BAIAP2L1: variants seen among roughly 807,000 people sequenced by gnomAD.
BAIAP2L1 encodes BAR/IMD domain-containing adapter protein 2-like 1.
BAIAP2L1 carries 35 observed loss-of-function variants against 66.3 expected under a neutral mutation model. That is an observed-to-expected ratio of 0.53 (90% CI 0.40 to 0.70). The LOEUF (loss-of-function observed/expected upper bound fraction) is 0.70. BAIAP2L1 is among the 30% of genes least tolerant of loss of function. The pLI is 0.00. For missense variants in BAIAP2L1, 622 were observed against 656.9 expected (o/e 0.95, Z 0.58); for synonymous variants, 269 against 248.7 (o/e 1.08, Z -0.77).
chr7:98,351,095 G>T (rs934882410), intron 3 of BAIAP2L1, among the ~76,000 whole-genome samples: 2 of 152,036 alleles, frequency 1.3e-5, no homozygotes, highest in Non-Finnish European at 2.9e-5. Flanking sequence ...TCCTGACCTC[G>T]GGTGATCCGC....
intron 3 of BAIAP2L1, among the ~76,000 whole-genome samples, chr7:98,352,198 G>GT (rs1049133999): frequency 2.0e-4 from 31 of 152,090 alleles, no homozygotes; most frequent in African/African-American, 7.0e-4. Context: ...AGTCAAGGAA[G>GT]TAACTCCTCC....
In BAIAP2L1 at chr7:98,304,872, T is replaced by C. The variant is rs1800580368; in HGVS notation, c.1242-496A>G. Among the ~76,000 whole-genome samples the C allele has an allele frequency of 2.6e-5, 4 of 151,140 alleles. No individual in the cohort carries two copies. In the South Asian group the frequency reaches 8.4e-4, roughly 32 times the overall value. On this transcript the variant is annotated intron_variant, in intron 11 of 13. Transcript: ENST00000005260. The stretch of plus-strand genomic sequence containing the variant: ...AACATATCCTCACAAGAAATTTTTT[T>C]TTTTTTTTTTGAGATGGGGTTTCCC...
chr7:98,383,727 T>C (rs55825602), intron 1 of BAIAP2L1, among the ~76,000 whole-genome samples: 57,775 of 152,076 alleles, frequency 0.38, 12,471 homozygotes, highest in Middle Eastern at 0.54. Flanking sequence ...TACGTTTCAT[T>C]CCACCAACTC....
chr7:98,303,435 G>C (rs1387004296), intron 12 of BAIAP2L1, among the ~76,000 whole-genome samples: 2 of 152,168 alleles, frequency 1.3e-5, no homozygotes, highest in Middle Eastern at 3.2e-3. Context: ...AACCCAGCCC[G>C]GGAGTGATGT....
At chr7:98,395,504 G>A (rs1416690613) in intron 1 of BAIAP2L1, among the ~76,000 whole-genome samples, 2 of 151,790 alleles carry the variant, frequency 1.3e-5, no homozygotes, top group South Asian at 4.2e-4. Context: ...GAGGTGGCAC[G>A]AGGGGGACTT....
At chr7:98,343,427 G>C (rs1801796401) in intron 3 of BAIAP2L1, among the ~76,000 whole-genome samples, 1 of 151,806 alleles carries the variant, frequency 6.6e-6, no homozygotes, top group African/African-American at 2.4e-5. Context: ...CTCCAGCCTG[G>C]GCAACAGAGC....
intron 3 of BAIAP2L1, among the ~76,000 whole-genome samples, chr7:98,348,566 C>T (rs1354676009): frequency 7.1e-6 from 1 of 140,994 alleles, no homozygotes; most frequent in African/African-American, 2.7e-5. Context: ...GACTCTGCCT[C>T]CACAAAAAAA....
At position 98,399,492 on chromosome 7, in the gene BAIAP2L1, A is replaced by G. The variant is rs544921022; in HGVS notation, c.51+1310T>C. On this transcript the variant is annotated intron_variant, in intron 1 of 13. Transcript: ENST00000005260. ...TTTAAAAAAGTCTATCAAAATGACT[A>G]AACTTCCTGATTCAAGCACCAGGGA... is the stretch of plus-strand genomic sequence containing the variant. Among the ~76,000 whole-genome samples, 87 of 152,328 alleles carry G rather than the reference A, an allele frequency of 5.7e-4. 1 individual carries two copies. Among genetic ancestry groups the G allele is most frequent in the Middle Eastern group, 3.4e-3 (1 of 294 alleles).
chr7:98,306,789 C>A (rs1800675242), intron 10 of BAIAP2L1: 2 of 436,706 alleles, frequency 4.6e-6, no homozygotes, highest in East Asian at 4.9e-5. Context: ...CTCACAGCAG[C>A]CTCGAACTCA....
At chr7:98,297,104 C>T (rs11761158) in intron 12 of BAIAP2L1, among the ~76,000 whole-genome samples, 62,132 of 152,166 alleles carry the variant, frequency 0.41, 13,705 homozygotes, top group Middle Eastern at 0.54. Flanking sequence ...GCAGCCACTA[C>T]GAGAGTGGTT....
At chr7:98,326,148 G>A (rs557577276) in intron 3 of BAIAP2L1, among the ~76,000 whole-genome samples, 3 of 152,252 alleles carry the variant, frequency 2.0e-5, no homozygotes, top group East Asian at 1.9e-4. Context: ...GTGGTGGTGT[G>A]TGCCTGTGGT....
chr7:98,383,054 T>C (rs1028212382), intron 1 of BAIAP2L1, among the ~76,000 whole-genome samples: 3 of 151,874 alleles, frequency 2.0e-5, no homozygotes, highest in African/African-American at 7.3e-5. Context: ...TCCCAGCTAC[T>C]TGGGAGGGTG....
chr7:98,385,922 A>C, intron 1 of BAIAP2L1: 3 of 1,440,236 alleles, frequency 2.1e-6, no homozygotes, highest in Non-Finnish European at 1.9e-6. Context: ...CCCAATTCAA[A>C]CTTGGGCTTC....
At chr7:98,374,571 A>G (rs896213721) in intron 1 of BAIAP2L1, among the ~76,000 whole-genome samples, 10 of 152,076 alleles carry the variant, frequency 6.6e-5, no homozygotes, top group African/African-American at 2.4e-4. Flanking sequence ...AATGCATTTT[A>G]TGAGATCAGA....
At chr7:98,361,686 G>C (rs749054514) in intron 2 of BAIAP2L1, among the ~76,000 whole-genome samples, 1 of 152,118 alleles carries the variant, frequency 6.6e-6, no homozygotes, top group Non-Finnish European at 1.5e-5. Context: ...GAGAACCTAA[G>C]TCCAACTGTT....
intron 8 of BAIAP2L1, 100 bp downstream of exon 8, chr7:98,311,997 A>T (rs1316810926): frequency 1.0e-5 from 13 of 1,255,344 alleles, no homozygotes; most frequent in Non-Finnish European, 1.4e-5. Flanking sequence ...CCTGGAAGTA[A>T]TAAAGGGGGA....
At chr7:98,397,869 T>C (rs1375484035) in intron 1 of BAIAP2L1, among the ~76,000 whole-genome samples, 1 of 152,208 alleles carries the variant, frequency 6.6e-6, no homozygotes, top group African/African-American at 2.4e-5. Context: ...ACATCGTTTA[T>C]GAAGTAGTAA....
At chr7:98,375,489 C>T (rs1481390072) in intron 1 of BAIAP2L1, among the ~76,000 whole-genome samples, 1 of 151,850 alleles carries the variant, frequency 6.6e-6, no homozygotes, top group African/African-American at 2.4e-5. Context: ...GTGGCTCATG[C>T]CTATAATCCC....
chr7:98,357,578 A>AG (rs1174958061), intron 2 of BAIAP2L1, among the ~76,000 whole-genome samples: 18 of 150,000 alleles, frequency 1.2e-4, no homozygotes, highest in African/African-American at 3.6e-4. Context: ...AAAAAAAAAA[A>AG]AAAAGTACAT....
Sources: allele counts gnomAD v4.1 joint callset (sites outside exome capture counted in the v4.1 genomes callset), GRCh38; gene constraint gnomAD v4.1.1; transcripts MANE v1.5; gene names NCBI Gene and HGNC (gene_info 2026-07-23, HGNC 2026-07-21).